Variants in ADPRM observed in about 807,000 individuals in gnomAD.
ADPRM encodes the protein manganese-dependent ADP-ribose/CDP-alcohol diphosphatase.
In ADPRM, 17 loss-of-function variants were observed where a neutral mutation model predicts 27.2. The observed-to-expected ratio is 0.63, with a 90% confidence interval of 0.43 to 0.94. ADPRM has a LOEUF of 0.94. Among genes scored for constraint, ADPRM ranks in the 40% least tolerant of loss-of-function variants. The probability of loss-of-function intolerance (pLI) is 0.00; values close to 1 mark genes in which losing one functional copy is unlikely to be tolerated. For missense variants in ADPRM, 337 were observed against 412.8 expected (o/e 0.82, Z 1.59); for synonymous variants, 135 against 145.3 (o/e 0.93, Z 0.51).
rs78711939 is a variant in ADPRM at position 10,701,979 on chromosome 17, T to G, written c.-17-2931T>G. Among the ~76,000 whole-genome samples the G allele has an allele frequency of 7.9e-5, 12 of 152,286 alleles. No individual in the cohort carries two copies. The East Asian group carries it at 1.9e-3, about 25-fold the overall frequency. On this transcript the variant is annotated intron_variant, in intron 1 of 3. Coordinates refer to ENST00000379774, the MANE Select transcript of ADPRM (RefSeq NM_020233.5). Reference sequence around the variant, plus strand: ...CCGTACTCACTTCTGATCCTATCTTTCCCTGAATATGTTTCTGAAATCTGA... The same window carrying G: ...CCGTACTCACTTCTGATCCTATCTTGCCCTGAATATGTTTCTGAAATCTGA...
At chr17:10,709,604 A>G (rs1177420157) in intron 3 of ADPRM, among the ~76,000 whole-genome samples, 2 of 152,170 alleles carry the variant, frequency 1.3e-5, no homozygotes, top group Non-Finnish European at 2.9e-5. Context: ...GGGAACAACT[A>G]ATGGCGTCAA....
intron 1 of ADPRM, among the ~76,000 whole-genome samples, chr17:10,703,048 C>G (rs555499932): frequency 1.3e-5 from 2 of 152,220 alleles, no homozygotes; most frequent in South Asian, 4.2e-4. Context: ...GTTAATATAA[C>G]TCTTAATGGT....
chr17:10,704,703 T>C (rs1372930440), intron 1 of ADPRM, among the ~76,000 whole-genome samples: 1 of 152,230 alleles, frequency 6.6e-6, no homozygotes, highest in African/African-American at 2.4e-5. Context: ...TGAAAGAGTT[T>C]ATCATCTGTT....
chr17:10,701,933 C>A (rs1229009696), intron 1 of ADPRM, among the ~76,000 whole-genome samples: 3 of 152,128 alleles, frequency 2.0e-5, no homozygotes, highest in African/African-American at 7.2e-5. Context: ...ATTCCCTGAC[C>A]ACCTGGTTCT....
In ADPRM at chr17:10,705,028, C is replaced by G; in HGVS notation, c.102C>G (p.Gly34=). The G allele has an allele frequency of 6.2e-7, 1 of 1,614,118 alleles. No homozygotes were observed. Reference sequence around the variant, plus strand: ...TTCAATTTGCAGACTTAGAAGATGGCTTTAATTTCCAAGGAACCAGGCGGC... The same window carrying G: ...TTCAATTTGCAGACTTAGAAGATGGGTTTAATTTCCAAGGAACCAGGCGGC... ...ADVQFADLED[G]FNFQGTRRRY... is the part of the protein sequence containing the mutation. Residue 34 remains glycine (G), a synonymous_variant, in exon 2 of 4, where the codon GGC becomes GGG. Transcript: ENST00000379774. This position sits in a 1 kb window ranked among gnomAD's most constrained non-coding sequence, Gnocchi z 5.4.
intron 3 of ADPRM, among the ~76,000 whole-genome samples, chr17:10,707,698 T>G (rs1273004651): frequency 6.6e-6 from 1 of 152,182 alleles, no homozygotes; most frequent in Non-Finnish European, 1.5e-5. Flanking sequence ...GCAGCAAAAC[T>G]GGTATCACAG....
intron 3 of ADPRM, 114 bp downstream of exon 3, chr17:10,706,668 C>A: frequency 1.5e-6 from 1 of 660,594 alleles, no homozygotes; most frequent in South Asian, 3.1e-5. Flanking sequence ...AAAATGGACA[C>A]TTAGTTTAAA....
At chr17:10,707,278 G>C (rs1297568440) in intron 3 of ADPRM, among the ~76,000 whole-genome samples, 1 of 152,220 alleles carries the variant, frequency 6.6e-6, no homozygotes, top group Non-Finnish European at 1.5e-5. Context: ...GGGAGGCTGA[G>C]GCAGGAGAGT....
intron 2 of ADPRM, 43 bp from the exon 3 acceptor site, chr17:10,706,395 G>A: frequency 7.2e-7 from 1 of 1,397,798 alleles, no homozygotes. Flanking sequence ...CCAAATGAGG[G>A]GAAAAATGAC....
rs1436553474 is a variant in ADPRM, at chr17:10,705,910, T to C, written c.601+383T>C. ...CTGCCAAGGAAATAGAGTATGATGTTATAGAGTGTTACGGAAAAGGATTAG... is the reference window on the plus strand; with the variant it reads ...CTGCCAAGGAAATAGAGTATGATGTCATAGAGTGTTACGGAAAAGGATTAG... On this transcript the variant is annotated intron_variant, in intron 2 of 3. Transcript: ENST00000379774. The surrounding 1 kb of genome is among the most constrained non-coding windows in gnomAD (Gnocchi z 5.4). The C allele has an allele frequency of 8.0e-6, 2 of 248,504 alleles. No individual in the cohort carries two copies. Among genetic ancestry groups the C allele is most frequent in the Non-Finnish European group, 1.6e-5 (2 of 127,756 alleles). The allele number at this position is 248,504 out of a possible 1,614,324, so 15.4% of individuals were successfully genotyped here.
intron 3 of ADPRM, among the ~76,000 whole-genome samples, chr17:10,706,937 C>T (rs1348839342): frequency 1.3e-5 from 2 of 151,956 alleles, no homozygotes; most frequent in African/African-American, 4.8e-5. Flanking sequence ...TTGCTGTTTC[C>T]CCCAACATTA....
intron 1 of ADPRM, among the ~76,000 whole-genome samples, chr17:10,701,917 G>C (rs1295756164): frequency 1.3e-5 from 2 of 152,180 alleles, no homozygotes; most frequent in African/African-American, 4.8e-5. Context: ...CTCGCCAGGA[G>C]AGTCAATTCC....
intron 1 of ADPRM, chr17:10,698,910 T>G (rs1363453630): frequency 2.0e-5 from 3 of 152,210 alleles, no homozygotes; most frequent in Non-Finnish European, 4.4e-5. Flanking sequence ...TAAAAGTACC[T>G]TGTGTAGTCA....
At chr17:10,703,844 A>T (rs961612098) in intron 1 of ADPRM, among the ~76,000 whole-genome samples, 1 of 152,206 alleles carries the variant, frequency 6.6e-6, no homozygotes, top group African/African-American at 2.4e-5. Context: ...TTTTGTTTGA[A>T]TCATTAGCGT....
At position 10,697,719 on chromosome 17, in the gene ADPRM, T is replaced by G. The variant is rs28364712; in HGVS notation, c.-18+52T>G. The G allele has an allele frequency of 0.018, 11,927 of 663,208 alleles. 697 individuals carry two copies. The highest frequency in any genetic ancestry group is 0.16 in the East Asian group (5,933 of 36,226). The allele number at this position is 663,208 out of a possible 1,614,324, so 41.1% of individuals were successfully genotyped here. On this transcript the variant is annotated intron_variant, in intron 1 of 3. Coordinates refer to ENST00000379774, the MANE Select transcript of ADPRM (RefSeq NM_020233.5). Reference sequence around the variant, plus strand: ...GGGTCTGGCGCGGGCTGGGCGGTGCTGCGGGGCCGCGGGACAGCGGAGCGC... The same window carrying G: ...GGGTCTGGCGCGGGCTGGGCGGTGCGGCGGGGCCGCGGGACAGCGGAGCGC...
chr17:10,710,021 T>G (rs1488914292), intron 3 of ADPRM, among the ~76,000 whole-genome samples: 1 of 152,252 alleles, frequency 6.6e-6, no homozygotes, highest in Non-Finnish European at 1.5e-5. Context: ...TAAAGTCCCA[T>G]AAATCAGTTC....
At position 10,705,660 on chromosome 17, in the gene ADPRM, G is replaced by A; in HGVS notation, c.601+133G>A. 3.7e-6 allele frequency: 5 copies of A among 1,346,970 alleles called. No individual in the cohort carries two copies. The highest frequency in any genetic ancestry group is 4.9e-6 in the Non-Finnish European group (5 of 1,013,030). The allele number at this position is 1,346,970 out of a possible 1,614,324, so 83.4% of individuals were successfully genotyped here. ...TGTTCAGGGTCAGGATTTCTCACAAGCCTTCTCACATGGATTGGTTACAGT... is the reference window on the plus strand; with the variant it reads ...TGTTCAGGGTCAGGATTTCTCACAAACCTTCTCACATGGATTGGTTACAGT... On this transcript the variant is annotated intron_variant, in intron 2 of 3. Transcript: ENST00000379774. This position sits in a 1 kb window ranked among gnomAD's most constrained non-coding sequence, Gnocchi z 5.4.
intron 1 of ADPRM, among the ~76,000 whole-genome samples, chr17:10,701,703 A>G (rs1268474468): frequency 6.6e-6 from 1 of 152,160 alleles, no homozygotes; most frequent in Non-Finnish European, 1.5e-5. Flanking sequence ...TTCCACAATT[A>G]TCCTGTACTC....
At chr17:10,708,383 C>G (rs2074828065) in intron 3 of ADPRM, among the ~76,000 whole-genome samples, 1 of 140,378 alleles carries the variant, frequency 7.1e-6, no homozygotes, top group Non-Finnish European at 1.5e-5. Flanking sequence ...GAGCCAAGAT[C>G]ACCCCACTGC....
Sources: allele counts gnomAD v4.1 joint callset (sites outside exome capture counted in the v4.1 genomes callset), GRCh38; gene constraint gnomAD v4.1.1; non-coding constraint Gnocchi (gnomAD v3.1); transcripts MANE v1.5; gene names NCBI Gene and HGNC (gene_info 2026-07-23, HGNC 2026-07-21).